The following RBM24 variants were observed in gnomAD, a reference collection of about 807,000 sequenced individuals.
The protein encoded by RBM24 is RNA binding motif protein 24.
Under a neutral mutation model 23.6 loss-of-function variants are expected in RBM24, and 5 were observed. The ratio of observed to expected loss-of-function variants is 0.21; its 90% CI spans 0.11 to 0.45. The LOEUF (loss-of-function observed/expected upper bound fraction) is 0.45, where lower values mean the gene tolerates loss of function less well. Among genes scored for constraint, RBM24 ranks in the 20% least tolerant of loss-of-function variants. The pLI is 0.99. For synonymous variants in RBM24, 151 were observed against 129.5 expected, an observed-to-expected ratio of 1.17 and a Z score of -1.13; for missense variants, 252 against 314.6, an observed-to-expected ratio of 0.80 and a Z score of 1.51.
rs770183880 is a variant in RBM24, at chr6:17,281,689, G to A, written c.108G>A (p.Glu36=). The stretch of plus-strand genomic sequence containing the variant: ...GCAAGTACTTCGAGGTCTTCGGCGA[G>A]ATCGAGGAGGCGGTGGTCATCACCG... ...SLRKYFEVFG[E]IEEAVVITDR... is the part of the protein sequence containing the mutation. Residue 36 remains glutamate, a synonymous_variant, in exon 1 of 4, where the codon GAG becomes GAA. Transcript: ENST00000379052. This position sits in a 1 kb window ranked among gnomAD's most constrained non-coding sequence, Gnocchi z 7.1. 15 of 1,552,020 alleles carry A rather than the reference G, an allele frequency of 9.7e-6. No individual in the cohort carries two copies. Among genetic ancestry groups the A allele is most frequent in the Non-Finnish European group, 1.3e-5 (15 of 1,147,456 alleles).
At chr6:17,289,555 C>CT (rs1760292838) in intron 3 of RBM24, 1 of 985,324 alleles carries the variant, frequency 1.0e-6, no homozygotes, top group Non-Finnish European at 1.2e-6. Flanking sequence ...CTTCACAACA[C>CT]TTTCTCCTTT....
At chr6:17,286,187 ATTTTTTTTT>A (rs11437494) in intron 3 of RBM24, among the ~76,000 whole-genome samples, 1 of 132,710 alleles carries the variant, frequency 7.5e-6, no homozygotes, top group African/African-American at 2.8e-5. Flanking sequence ...AACTACTACT[ATTTTTTTTT>A]TTTTTTTTTT....
In RBM24 at chr6:17,293,453, A is replaced by G. The variant is rs1290877481; in HGVS notation, c.*1334A>G. 1 of 152,056 alleles carries G rather than the reference A, an allele frequency of 6.6e-6. No individual in the cohort carries two copies. The highest frequency in any genetic ancestry group is 1.5e-5 in the Non-Finnish European group (1 of 67,880). The allele number at this position is 152,056 out of a possible 1,614,324, so 9.4% of individuals were successfully genotyped here. On this transcript the variant is annotated 3_prime_UTR_variant, in exon 4 of 4. Coordinates refer to ENST00000379052, the MANE Select transcript of RBM24 (RefSeq NM_001143942.2). ...TAACACATTTTAGTTTAGTTTTTAG[A>G]TTTTTTTTTAAACGATATATTGCTA... is the stretch of plus-strand genomic sequence containing the variant.
rs1760419730 is a variant in RBM24, at chr6:17,293,123, T to C, written c.*1004T>C. The C allele has an allele frequency of 6.6e-6, 1 of 152,504 alleles. No homozygotes were observed. The highest frequency in any genetic ancestry group is 2.1e-4 in the South Asian group (1 of 4,834). 9.4% of individuals were successfully genotyped at this position (152,504 alleles called of 1,614,324 possible). ...AGTCATATTTAAAACTATTTATTAG[T>C]GACTACAGTACATGAGACAACAAGG... On this transcript the variant is annotated 3_prime_UTR_variant, in exon 4 of 4. Coordinates refer to ENST00000379052, the MANE Select transcript of RBM24 (RefSeq NM_001143942.2).
chr6:17,287,606 C>T (rs1207598400), intron 3 of RBM24, among the ~76,000 whole-genome samples: 5 of 151,776 alleles, frequency 3.3e-5, no homozygotes, highest in Non-Finnish European at 5.9e-5. Context: ...GTTGAGAGGG[C>T]GAGACCATCC....
chr6:17,289,549 A>G, intron 3 of RBM24: 1 of 985,434 alleles, frequency 1.0e-6, no homozygotes. Flanking sequence ...TGCATTCTTC[A>G]CAACACTTTC....
At chr6:17,282,223 G>A in intron 1 of RBM24, 3 of 1,291,060 alleles carry the variant, frequency 2.3e-6, no homozygotes, top group Non-Finnish European at 2.0e-6. Context: ...TGCAAAGGTA[G>A]GTTCTTTTAA....
chr6:17,286,779 C>T lies in RBM24; in HGVS notation c.347+2068C>T, dbSNP rs115941721. 6.2e-3 allele frequency among the ~76,000 whole-genome samples: 945 copies of T among 152,098 alleles called. 11 individuals carry two copies. The highest frequency in any genetic ancestry group is 0.021 in the African/African-American group (889 of 41,458). ...CTGGAGGGTATAGGATGGAGTGAGC[C>T]GAAGCAGAGGCATAGAGGAGAAGAC... On this transcript the variant is annotated intron_variant, in intron 3 of 3. Transcript: ENST00000379052.
At chr6:17,286,286 A>G (rs1333960763) in intron 3 of RBM24, among the ~76,000 whole-genome samples, 1 of 151,412 alleles carries the variant, frequency 6.6e-6, no homozygotes, top group East Asian at 1.9e-4. Context: ...TCCCCATCCA[A>G]GCCAACCCAA....
intron 1 of RBM24, chr6:17,282,027 G>A (rs1357026738): frequency 3.8e-6 from 5 of 1,307,944 alleles, no homozygotes; most frequent in Non-Finnish European, 4.9e-6. Context: ...CGGGATTTGG[G>A]GTGCGGAGGG....
intron 3 of RBM24, among the ~76,000 whole-genome samples, chr6:17,285,510 G>T: frequency 6.6e-6 from 1 of 151,266 alleles, no homozygotes; most frequent in African/African-American, 2.4e-5. Context: ...ATTTCTCTTT[G>T]TCAGAATACA....
At chr6:17,287,008 A>T (rs1013406742) in intron 3 of RBM24, among the ~76,000 whole-genome samples, 1 of 152,232 alleles carries the variant, frequency 6.6e-6, no homozygotes, top group Admixed American at 6.5e-5. Flanking sequence ...CACCTCTTCT[A>T]ATATTAACTG....
chr6:17,289,375 T>G, intron 3 of RBM24: 3 of 985,410 alleles, frequency 3.0e-6, no homozygotes, highest in Non-Finnish European at 3.6e-6. Context: ...TTCATTTGCC[T>G]TCCAGACGTC....
chr6:17,288,228 A>C (rs1760253931), intron 3 of RBM24: 1 of 985,272 alleles, frequency 1.0e-6, no homozygotes. Flanking sequence ...CTGTAGCCCC[A>C]AAAGACAAAA....
At chr6:17,283,664 G>A (rs760900784) in intron 2 of RBM24, among the ~76,000 whole-genome samples, 21 of 152,210 alleles carry the variant, frequency 1.4e-4, no homozygotes, top group South Asian at 2.1e-4. Context: ...TGATCCACCC[G>A]CCTTGGCCTC....
chr6:17,287,387 C>T (rs995756334), intron 3 of RBM24, among the ~76,000 whole-genome samples: 1 of 152,154 alleles, frequency 6.6e-6, no homozygotes, highest in African/African-American at 2.4e-5. Flanking sequence ...TGATGTAGCA[C>T]AGTGGGCAGA....
chr6:17,288,309 A>C, intron 3 of RBM24: 1 of 985,452 alleles, frequency 1.0e-6, no homozygotes, highest in Non-Finnish European at 1.2e-6. Flanking sequence ...GCTTCAGATA[A>C]GAGAGACGAA....
Position 17,292,424 on chromosome 6 carries a change from T to G in RBM24, c.*305T>G. 5.1e-6 allele frequency: 1 copy of G among 197,916 alleles called. No individual in the cohort carries two copies. Among genetic ancestry groups the G allele is most frequent in the Non-Finnish European group, 1.0e-5 (1 of 98,374 alleles). 12.3% of individuals were successfully genotyped at this position (197,916 alleles called of 1,614,324 possible). On this transcript the variant is annotated 3_prime_UTR_variant, in exon 4 of 4. Transcript: ENST00000379052. ...TTCACTTTTGTAACGGGATTTTTATTTTTGCTCTTTTTATAGTATCAGGGA... is the reference window on the plus strand; with the variant it reads ...TTCACTTTTGTAACGGGATTTTTATGTTTGCTCTTTTTATAGTATCAGGGA...
intron 3 of RBM24, chr6:17,291,039 CAG>C (rs1760341217): frequency 8.4e-6 from 4 of 474,522 alleles, no homozygotes; most frequent in Admixed American, 4.8e-5. Context: ...CCTCTTGTGA[CAG>C]AGTGAGCTGC....
Sources: gnomAD v4.1 joint callset for allele counts (sites outside exome capture counted in the v4.1 genomes callset) on GRCh38, gnomAD v4.1.1 for gene constraint, Gnocchi (gnomAD v3.1) non-coding constraint, MANE v1.5 for transcripts, NCBI Gene and HGNC (gene_info 2026-07-23, HGNC 2026-07-21) for gene names.